ZNF652: variants seen among roughly 807,000 people sequenced by gnomAD.
ZNF652 encodes zinc finger protein 652.
In ZNF652, 16 loss-of-function variants were observed where a neutral mutation model predicts 45.2. The observed-to-expected ratio is 0.35, with a 90% CI of 0.24 to 0.54. The LOEUF (loss-of-function observed/expected upper bound fraction) is 0.54, where lower values mean the gene tolerates loss of function less well. Among genes scored for constraint, ZNF652 ranks in the 20% least tolerant of loss-of-function variants. The probability of loss-of-function intolerance (pLI) is 0.91; values close to 1 mark genes in which losing one functional copy is unlikely to be tolerated. For missense variants in ZNF652, 614 were observed against 765.6 expected (o/e 0.80, Z 2.34); for synonymous variants, 250 against 260.6 (o/e 0.96, Z 0.39).
At chr17:49,307,872 C>T (rs1263999824) in intron 5 of ZNF652, among the ~76,000 whole-genome samples, 2 of 152,036 alleles carry the variant, frequency 1.3e-5, no homozygotes, top group African/African-American at 4.8e-5. Context: ...TAAATTATAG[C>T]TAATATTATA....
chr17:49,355,071 T>C (rs2070321565), intron 1 of ZNF652, among the ~76,000 whole-genome samples: 1 of 152,142 alleles, frequency 6.6e-6, no homozygotes, highest in African/African-American at 2.4e-5. Context: ...TTACATACAA[T>C]TTCATCAACC....
intron 1 of ZNF652, among the ~76,000 whole-genome samples, chr17:49,338,025 A>G (rs1055764415): frequency 2.0e-5 from 3 of 152,012 alleles, no homozygotes; most frequent in Admixed American, 1.3e-4. Flanking sequence ...TCTCACTCCA[A>G]CGCTCAGGCT....
At chr17:49,343,604 G>A (rs1486328907) in intron 1 of ZNF652, among the ~76,000 whole-genome samples, 2 of 151,164 alleles carry the variant, frequency 1.3e-5, no homozygotes, top group Admixed American at 6.6e-5. Flanking sequence ...GTCATCAGTC[G>A]AAAACCTTAA....
In ZNF652 at chr17:49,296,517, C is replaced by T. The variant is rs2069479709; in HGVS notation, c.*1896G>A. The T allele has an allele frequency of 6.6e-6, 1 of 152,498 alleles. No individual in the cohort carries two copies. Among genetic ancestry groups the T allele is most frequent in the African/African-American group, 2.4e-5 (1 of 41,422 alleles). 9.4% of individuals were successfully genotyped at this position (152,498 alleles called of 1,614,324 possible). On this transcript the variant is annotated 3_prime_UTR_variant, in exon 6 of 6. Coordinates refer to ENST00000430262, the MANE Select transcript of ZNF652 (RefSeq NM_001145365.3). ...AAAAAAATAAATAAAAGCCAGCGTT[C>T]TGATTCAGGCAAAGATTTTAAGAAA...
intron 1 of ZNF652, among the ~76,000 whole-genome samples, chr17:49,324,261 G>A (rs932070088): frequency 2.0e-5 from 3 of 152,084 alleles, no homozygotes; most frequent in South Asian, 2.1e-4. Flanking sequence ...CTCACTTCTC[G>A]GCCTTCAAAG....
rs151285249 is a variant in ZNF652 at position 49,326,957 on chromosome 17, C to T, written c.-258-8974G>A. Among the ~76,000 whole-genome samples the T allele has an allele frequency of 1.9e-3, 291 of 152,136 alleles. 1 individual carries two copies. Among genetic ancestry groups the T allele is most frequent in the African/African-American group, 6.4e-3 (266 of 41,492 alleles). On this transcript the variant is annotated intron_variant, in intron 1 of 5. Coordinates refer to ENST00000430262, the MANE Select transcript of ZNF652 (RefSeq NM_001145365.3). The stretch of plus-strand genomic sequence containing the variant: ...AGGTCCTAGACTTTGAGCCTGATGC[C>T]ATGATTTGATATTGTCAGTCCATAA...
intron 5 of ZNF652, among the ~76,000 whole-genome samples, chr17:49,305,839 C>G (rs529255060): frequency 1.6e-4 from 24 of 152,182 alleles, no homozygotes; most frequent in Non-Finnish European, 2.4e-4. Flanking sequence ...GCTGGTCACC[C>G]TTCCTAGATA....
At position 49,317,285 on chromosome 17, in the gene ZNF652, AAGAAC is replaced by A; in HGVS notation, c.436_440del (p.Val146Ter). Reference sequence around the variant, plus strand: ...CCTCTTCCTCCTCACTGCTTGTCTTAAGAACAGGAGTCTCTTTGGACTGAGAAGAG... The same window carrying A: ...CCTCTTCCTCCTCACTGCTTGTCTTAAGGAGTCTCTTTGGACTGAGAAGAG... On this transcript the variant is annotated frameshift_variant, in exon 2 of 6. Coordinates refer to ENST00000430262, the MANE Select transcript of ZNF652 (RefSeq NM_001145365.3). LOFTEE classifies it high-confidence loss of function. 6.2e-7 allele frequency: 1 copy of A among 1,612,750 alleles called. No homozygotes were observed. The highest frequency in any genetic ancestry group is 8.5e-7 in the Non-Finnish European group (1 of 1,179,994).
chr17:49,304,759 A>G (rs896145231), intron 5 of ZNF652, among the ~76,000 whole-genome samples: 9 of 152,156 alleles, frequency 5.9e-5, no homozygotes, highest in South Asian at 2.1e-4. Flanking sequence ...GAGAAGATAG[A>G]AAAGAGCAAA....
chr17:49,309,861 C>G (rs138265876), intron 5 of ZNF652, among the ~76,000 whole-genome samples: 16 of 152,280 alleles, frequency 1.1e-4, no homozygotes, highest in African/African-American at 3.1e-4. Context: ...TGGGCTTCAA[C>G]AGAGAACTGG....
At chr17:49,352,924 C>A (rs867538780) in intron 1 of ZNF652, among the ~76,000 whole-genome samples, 1 of 152,022 alleles carries the variant, frequency 6.6e-6, no homozygotes, top group Non-Finnish European at 1.5e-5. Flanking sequence ...CTGCAAAAGA[C>A]GAAACTACAG....
At chr17:49,324,898 G>T (rs756660410) in intron 1 of ZNF652, among the ~76,000 whole-genome samples, 20 of 150,212 alleles carry the variant, frequency 1.3e-4, no homozygotes, top group Non-Finnish European at 2.7e-4. Context: ...GCACCACCAC[G>T]CCCGGCTAAT....
At chr17:49,315,104 C>T (rs2069782462) in intron 2 of ZNF652, among the ~76,000 whole-genome samples, 1 of 148,272 alleles carries the variant, frequency 6.7e-6, no homozygotes, top group African/African-American at 2.5e-5. Context: ...TGCAATGGCA[C>T]AATCTCGGCT....
At chr17:49,355,991 TA>T (rs1218544923) in intron 1 of ZNF652, among the ~76,000 whole-genome samples, 1 of 152,150 alleles carries the variant, frequency 6.6e-6, no homozygotes, top group African/African-American at 2.4e-5. Flanking sequence ...TATTTAAGGA[TA>T]AAAGTATACA....
At position 49,312,874 on chromosome 17, in the gene ZNF652, A is replaced by G. The variant is rs762094583; in HGVS notation, c.901-29T>C. On this transcript the variant is annotated intron_variant, in intron 2 of 5. Transcript: ENST00000430262. ...AGCAGGATAAATAGAAATAATATTT[A>G]TAGGGGCTTACAGCATGCCATACCA... 4 of 1,605,770 alleles carry G rather than the reference A, an allele frequency of 2.5e-6. No individual in the cohort carries two copies. In the African/African-American group the frequency reaches 5.4e-5, roughly 22 times the overall value.
chr17:49,292,594 C>G lies in ZNF652; in HGVS notation c.*5819G>C, dbSNP rs1250598797. 6.6e-6 allele frequency among the ~76,000 whole-genome samples: 1 copy of G among 152,090 alleles called. No individual in the cohort carries two copies. Among genetic ancestry groups the G allele is most frequent in the Non-Finnish European group, 1.5e-5 (1 of 68,012 alleles). On this transcript the variant is annotated 3_prime_UTR_variant, in exon 6 of 6. Transcript: ENST00000430262. ...GGCACATGGGAACAGGGCAGAGCAA[C>G]AGCAGCACTCAGGATCCTTTCATCA... is the stretch of plus-strand genomic sequence containing the variant.
intron 1 of ZNF652, among the ~76,000 whole-genome samples, chr17:49,359,859 A>C (rs2070374341): frequency 6.6e-6 from 1 of 151,914 alleles, no homozygotes. Flanking sequence ...CAGTTAACAA[A>C]GTTGAAAAAA....
chr17:49,300,140 A>G (rs1311753934), intron 5 of ZNF652, among the ~76,000 whole-genome samples: 4 of 152,190 alleles, frequency 2.6e-5, no homozygotes, highest in Non-Finnish European at 5.9e-5. Context: ...ACAAACCTAC[A>G]ACATGAATTT....
At chr17:49,304,628 T>C (rs775837244) in intron 5 of ZNF652, among the ~76,000 whole-genome samples, 24 of 152,146 alleles carry the variant, frequency 1.6e-4, no homozygotes, top group Non-Finnish European at 2.6e-4. Context: ...TGGAAAAGCA[T>C]GTATATTAAT....
Sources: gnomAD v4.1 joint callset for allele counts (sites outside exome capture counted in the v4.1 genomes callset) on GRCh38, gnomAD v4.1.1 for gene constraint, MANE v1.5 for transcripts, NCBI Gene and HGNC (gene_info 2026-07-23, HGNC 2026-07-21) for gene names.